The following LINGO2 variants were observed in gnomAD, a reference collection of about 807,000 sequenced individuals.
The protein encoded by LINGO2 is leucine-rich repeat and immunoglobulin-like domain-containing nogo receptor-interacting protein 2.
A neutral mutation model predicts 30.6 loss-of-function variants in LINGO2; 14 were observed. That is an observed-to-expected ratio of 0.46 (90% CI 0.30 to 0.72). LINGO2 has a LOEUF of 0.72. Ranked by LOEUF, LINGO2 falls within the 30% of genes least tolerant of loss-of-function variation. LINGO2 has a pLI of 0.07. For missense variants in LINGO2, 729 were observed against 751.7 expected (o/e 0.97, Z 0.35); for synonymous variants, 317 against 288.5 (o/e 1.10, Z -1.00).
intron 3 of LINGO2, among the ~76,000 whole-genome samples, chr9:28,303,734 G>A (rs1228772937): frequency 6.6e-6 from 1 of 151,952 alleles, no homozygotes; most frequent in Non-Finnish European, 1.5e-5. Flanking sequence ...TACCTTTATG[G>A]GTTATCATAA....
the LINGO2 span, among the ~76,000 whole-genome samples, chr9:28,848,223 C>CATAT: frequency 4.9e-5 from 4 of 81,238 alleles, no homozygotes; most frequent in African/African-American, 4.6e-4. Flanking sequence ...TATATATACG[C>CATAT]ATAGTGTATA....
the LINGO2 span, among the ~76,000 whole-genome samples, chr9:28,713,191 C>A: frequency 2.0e-5 from 3 of 152,062 alleles, no homozygotes; most frequent in Non-Finnish European, 1.5e-5. Context: ...CGCTTCAATA[C>A]TTATTTTTTT....
intron 4 of LINGO2, among the ~76,000 whole-genome samples, chr9:28,083,474 G>A (rs181982124): frequency 1.3e-5 from 2 of 152,242 alleles, no homozygotes; most frequent in Admixed American, 6.6e-5. Flanking sequence ...TGACTATTAT[G>A]GATTACCTGT....
the LINGO2 span, among the ~76,000 whole-genome samples, chr9:28,706,341 T>C: frequency 2.0e-5 from 3 of 152,142 alleles, no homozygotes; most frequent in Non-Finnish European, 4.4e-5. Context: ...TAAGAATCCA[T>C]GGCCATTCTT....
At chr9:28,233,544 A>G (rs1040204313) in intron 4 of LINGO2, among the ~76,000 whole-genome samples, 42 of 152,172 alleles carry the variant, frequency 2.8e-4, no homozygotes, top group African/African-American at 1.0e-3. Flanking sequence ...TTATCGTTAT[A>G]GAATAGTGTT....
intron 5 of LINGO2, among the ~76,000 whole-genome samples, chr9:27,965,534 T>G (rs921172390): frequency 3.3e-5 from 5 of 152,076 alleles, no homozygotes; most frequent in Admixed American, 3.3e-4. Flanking sequence ...TCTGAAAACA[T>G]GAATTCATCT....
chr9:28,029,840 C>T (rs1223993924), intron 4 of LINGO2, among the ~76,000 whole-genome samples: 1 of 152,090 alleles, frequency 6.6e-6, no homozygotes, highest in African/African-American at 2.4e-5. Context: ...TATTAACTTG[C>T]AATTATATAA....
chr9:28,737,293 T>A, the LINGO2 span, among the ~76,000 whole-genome samples: 1 of 152,154 alleles, frequency 6.6e-6, no homozygotes, highest in Non-Finnish European at 1.5e-5. Flanking sequence ...AAAGCCACAA[T>A]GAAGCTGTCA....
At chr9:28,510,498 TGAG>T (rs1337051848) in intron 1 of LINGO2, among the ~76,000 whole-genome samples, 1 of 151,972 alleles carries the variant, frequency 6.6e-6, no homozygotes, top group South Asian at 2.1e-4. Context: ...TGGAGTAGGC[TGAG>T]GAGGAGAAGG....
intron 3 of LINGO2, among the ~76,000 whole-genome samples, chr9:28,334,824 T>C (rs1344926282): frequency 6.6e-5 from 10 of 152,142 alleles, no homozygotes; most frequent in Non-Finnish European, 1.3e-4. Flanking sequence ...ATTGTGATTG[T>C]ATTCAGACAG....
At chr9:28,946,329 C>A in the LINGO2 span, among the ~76,000 whole-genome samples, 9 of 152,022 alleles carry the variant, frequency 5.9e-5, no homozygotes, top group African/African-American at 1.9e-4. Flanking sequence ...CTTTTAAAAT[C>A]AATCCGAAGC....
chr9:28,657,763 T>C (rs1828417908), intron 1 of LINGO2, among the ~76,000 whole-genome samples: 1 of 152,038 alleles, frequency 6.6e-6, no homozygotes, highest in Admixed American at 6.6e-5. Context: ...ATTTCTGTTG[T>C]AATATTTATT....
chr9:28,680,129 T>A, the LINGO2 span, among the ~76,000 whole-genome samples: 1 of 151,976 alleles, frequency 6.6e-6, no homozygotes, highest in Admixed American at 6.6e-5. Context: ...CAATATCTCC[T>A]CAACCCTGCC....
the LINGO2 span, among the ~76,000 whole-genome samples, chr9:29,212,033 G>C: frequency 6.6e-6 from 1 of 152,164 alleles, no homozygotes; most frequent in African/African-American, 2.4e-5. Context: ...GTATCTGACT[G>C]AGAATTTACA....
chr9:28,154,504 T>G (rs1564006241), intron 4 of LINGO2, among the ~76,000 whole-genome samples: 1 of 152,178 alleles, frequency 6.6e-6, no homozygotes, highest in South Asian at 2.1e-4. Context: ...CAGGACAGAT[T>G]GCATATTATT....
chr9:28,793,897 T>C, the LINGO2 span, among the ~76,000 whole-genome samples: 4 of 152,204 alleles, frequency 2.6e-5, no homozygotes, highest in East Asian at 5.8e-4. Flanking sequence ...CTCTACACTA[T>C]TTAAGGAACT....
the LINGO2 span, among the ~76,000 whole-genome samples, chr9:29,072,738 T>C: frequency 6.6e-6 from 1 of 151,690 alleles, no homozygotes; most frequent in Non-Finnish European, 1.5e-5. Context: ...TCTTGTCTTC[T>C]CTTTCTTCTC....
the LINGO2 span, among the ~76,000 whole-genome samples, chr9:29,038,872 A>AGC: frequency 1.3e-5 from 2 of 152,156 alleles, no homozygotes; most frequent in Non-Finnish European, 2.9e-5. Context: ...GCCTTAACCG[A>AGC]GCAAATGCTC....
chr9:28,578,578 G>GA (rs986933189), intron 1 of LINGO2, among the ~76,000 whole-genome samples: 7 of 151,992 alleles, frequency 4.6e-5, no homozygotes, highest in African/African-American at 1.7e-4. Flanking sequence ...GTGTTACCAG[G>GA]AAAAACAGTT....
Sources: allele counts gnomAD v4.1 joint callset (sites outside exome capture counted in the v4.1 genomes callset), GRCh38; gene constraint gnomAD v4.1.1; transcripts MANE v1.5; gene names NCBI Gene and HGNC (gene_info 2026-07-23, HGNC 2026-07-21).